Variants in PLXNC1 observed in about 807,000 individuals in gnomAD.
PLXNC1 encodes plexin-C1.
Under a neutral mutation model 178.2 loss-of-function variants are expected in PLXNC1, and 75 were observed. The observed-to-expected ratio is 0.42, with a 90% confidence interval of 0.35 to 0.51. The LOEUF (loss-of-function observed/expected upper bound fraction) is 0.51, where lower values mean the gene tolerates loss of function less well. Ranked by LOEUF, PLXNC1 falls within the 20% of genes least tolerant of loss-of-function variation. The pLI is 0.02. For synonymous variants in PLXNC1, 790 were observed against 779.9 expected (o/e 1.01, Z -0.22); for missense variants, 1,503 against 1,984.4 (o/e 0.76, Z 4.61).
chr12:94,189,671 C>CCCTGTT (rs1962649308), intron 4 of PLXNC1, among the ~76,000 whole-genome samples: 1 of 86,378 alleles, frequency 1.2e-5, no homozygotes, highest in Admixed American at 1.2e-4. Flanking sequence ...CAAAGTGAGA[C>CCCTGTT]CCTGTCTCAA....
At chr12:94,287,106 G>A (rs1966853368) in intron 23 of PLXNC1, among the ~76,000 whole-genome samples, 1 of 152,184 alleles carries the variant, frequency 6.6e-6, no homozygotes, top group South Asian at 2.1e-4. Flanking sequence ...AAAAACCCTG[G>A]GAGGCAGGTG....
chr12:94,212,697 G>A (rs1963519547), intron 5 of PLXNC1, among the ~76,000 whole-genome samples: 1 of 151,340 alleles, frequency 6.6e-6, no homozygotes, highest in African/African-American at 2.4e-5. Context: ...GTGTATAGGT[G>A]CCACATTTTC....
At position 94,305,254 on chromosome 12, in the gene PLXNC1, T is replaced by A. The variant is rs1180322532; in HGVS notation, c.4676T>A (p.Phe1559Tyr). 1 of 1,610,962 alleles carries A rather than the reference T, an allele frequency of 6.2e-7. No homozygotes were observed. The highest frequency in any genetic ancestry group is 1.1e-5 in the South Asian group (1 of 90,854). Residue 1559 changes from phenylalanine (F) to tyrosine (Y), a missense_variant, in exon 31 of 31, where the codon TTT becomes TAT. Phe to Tyr is a conservative substitution (Grantham distance 22, BLOSUM62 3). Transcript: ENST00000258526. ...QKQLLHVKVL[F>Y]DEKKKCKWM is the part of the protein sequence containing the mutation. ...CAACTCTTGCATGTAAAAGTCTTAT[T>A]TGATGAAAAGAAGAAATGCAAGTGG... is the stretch of plus-strand genomic sequence containing the variant.
intron 12 of PLXNC1, among the ~76,000 whole-genome samples, chr12:94,246,270 T>C (rs1964527242): frequency 6.6e-6 from 1 of 152,224 alleles, no homozygotes; most frequent in Admixed American, 6.5e-5. Flanking sequence ...AGGATGCTCA[T>C]GCCAGTGCAG....
chr12:94,297,498 A>G lies in PLXNC1; in HGVS notation c.4074+75A>G, dbSNP rs146701269. 1.7e-4 allele frequency: 174 copies of G among 1,031,722 alleles called. No individual in the cohort carries two copies. The East Asian group carries it at 4.1e-3, about 24-fold the overall frequency. The allele number at this position is 1,031,722 out of a possible 1,614,324, so 63.9% of individuals were successfully genotyped here. Reference sequence around the variant, plus strand: ...ATATGTTTGACTTAATTTCCACTGAAGTGTGAAAATGTTACAAATCCCTTG... The same window carrying G: ...ATATGTTTGACTTAATTTCCACTGAGGTGTGAAAATGTTACAAATCCCTTG... On this transcript the variant is annotated intron_variant, in intron 26 of 30. Transcript: ENST00000258526.
chr12:94,250,157 T>C (rs989775922), intron 14 of PLXNC1, among the ~76,000 whole-genome samples: 4 of 151,964 alleles, frequency 2.6e-5, no homozygotes, highest in Admixed American at 2.0e-4. Context: ...AGGAGGCCAG[T>C]GTGACTGGAG....
In PLXNC1 at chr12:94,198,128, A is replaced by G. The variant is rs1405171536; in HGVS notation, c.1440-11462A>G. Among the ~76,000 whole-genome samples, 6 of 152,278 alleles carry G rather than the reference A, an allele frequency of 3.9e-5. No individual in the cohort carries two copies. The East Asian group carries it at 1.2e-3, about 29-fold the overall frequency. ...TTAGCAAAGACATGGAATCAACCCA[A>G]ATGCCCATCCATGATAGACTGGATA... On this transcript the variant is annotated intron_variant, in intron 4 of 30. Transcript: ENST00000258526.
In PLXNC1 at chr12:94,149,762, T is replaced by G; in HGVS notation, c.791T>G (p.Met264Arg). The G allele has an allele frequency of 6.2e-7, 1 of 1,609,626 alleles. No individual in the cohort carries two copies. Among genetic ancestry groups the G allele is most frequent in the Non-Finnish European group, 8.5e-7 (1 of 1,179,258 alleles). ...TSGAATGWPSMARIAQSTEVL... is the reference protein window; with the variant it reads ...TSGAATGWPSRARIAQSTEVL... ...GGCGCTGCCACCGGCTGGCCCAGCA[T>G]GGCGCGCATCGCGCAGAGCACCGAG... Residue 264 changes from methionine to arginine, a missense_variant, in exon 1 of 31, where the codon ATG becomes AGG. Physicochemically the swap from Met to Arg is moderately conservative, Grantham distance 91. This residue lies in a region of PLXNC1 where 615 missense variants were observed against 698.6 expected (regional missense o/e 0.88). Transcript: ENST00000258526.
At chr12:94,212,611 T>C (rs1963515108) in intron 5 of PLXNC1, among the ~76,000 whole-genome samples, 1 of 152,120 alleles carries the variant, frequency 6.6e-6, no homozygotes, top group African/African-American at 2.4e-5. Context: ...TTGCTGAGAA[T>C]GATGGTTTCC....
At chr12:94,290,893 A>G (rs1967249150) in intron 23 of PLXNC1, among the ~76,000 whole-genome samples, 1 of 152,244 alleles carries the variant, frequency 6.6e-6, no homozygotes, top group African/African-American at 2.4e-5. Context: ...AAACAGTTCC[A>G]GAATGAAGGA....
chr12:94,230,251 T>G (rs2136035580), intron 9 of PLXNC1, among the ~76,000 whole-genome samples: 1 of 152,364 alleles, frequency 6.6e-6, no homozygotes, highest in East Asian at 1.9e-4. Context: ...CTCTGGAAAT[T>G]CTTCCAAGTT....
In PLXNC1 at chr12:94,189,407, G is replaced by C. The variant is rs970300091; in HGVS notation, c.1439+2934G>C. 3.3e-5 allele frequency among the ~76,000 whole-genome samples: 5 copies of C among 152,246 alleles called. No homozygotes were observed. The East Asian group carries it at 9.6e-4, about 29-fold the overall frequency. Reference sequence around the variant, plus strand: ...TTTAAAGATTGTTAGGGGCAGGCGCGGTGACTCACACCTATATTCCCAGCT... The same window carrying C: ...TTTAAAGATTGTTAGGGGCAGGCGCCGTGACTCACACCTATATTCCCAGCT... On this transcript the variant is annotated intron_variant, in intron 4 of 30. Transcript: ENST00000258526.
At chr12:94,155,737 A>C (rs1961143379) in intron 1 of PLXNC1, among the ~76,000 whole-genome samples, 2 of 152,168 alleles carry the variant, frequency 1.3e-5, no homozygotes, top group African/African-American at 4.8e-5. Flanking sequence ...TCACTCCCAG[A>C]TGTGGGGGGA....
At position 94,148,907 on chromosome 12, in the gene PLXNC1, G is replaced by A; in HGVS notation, c.-65G>A. Reference sequence around the variant, plus strand: ...CGCCGCCGCCGCCGCCCGCGTCTCCGTTGCCGCGCGCCTGAGCCGCCGTCG... The same window carrying A: ...CGCCGCCGCCGCCGCCCGCGTCTCCATTGCCGCGCGCCTGAGCCGCCGTCG... On this transcript the variant is annotated 5_prime_UTR_variant, in exon 1 of 31. Transcript: ENST00000258526. This position sits in a 1 kb window ranked among gnomAD's most constrained non-coding sequence, Gnocchi z 4.8. 1 of 509,594 alleles carries A rather than the reference G, an allele frequency of 2.0e-6. No individual in the cohort carries two copies. The highest frequency in any genetic ancestry group is 2.6e-6 in the Non-Finnish European group (1 of 377,966). The allele number at this position is 509,594 out of a possible 1,614,324, so 31.6% of individuals were successfully genotyped here.
In PLXNC1 at chr12:94,259,149, CG is replaced by C. The variant is rs1157645231; in HGVS notation, c.3088-187del. Among the ~76,000 whole-genome samples, 3 of 152,240 alleles carry C rather than the reference CG, an allele frequency of 2.0e-5. No homozygotes were observed. In the East Asian group the frequency reaches 5.8e-4, roughly 29 times the overall value. On this transcript the variant is annotated intron_variant, in intron 17 of 30. Transcript: ENST00000258526. ...CTTAGAGGCTTTCGGAATTCAGTGG[CG>C]TTTCTTGAAAGCTGAATAATTATTT...
chr12:94,270,549 T>C (rs531236886), intron 21 of PLXNC1, among the ~76,000 whole-genome samples: 1 of 152,238 alleles, frequency 6.6e-6, no homozygotes, highest in East Asian at 1.9e-4. Flanking sequence ...TATTTACAAG[T>C]CTGAAACTCA....
chr12:94,163,141 G>A (rs1340485792), intron 1 of PLXNC1, among the ~76,000 whole-genome samples: 6 of 152,012 alleles, frequency 3.9e-5, no homozygotes, highest in South Asian at 2.1e-4. Flanking sequence ...TAAGGTGGGC[G>A]GATCATGAGG....
At chr12:94,240,865 AC>A (rs1333856609) in intron 11 of PLXNC1, among the ~76,000 whole-genome samples, 1 of 152,156 alleles carries the variant, frequency 6.6e-6, no homozygotes, top group Non-Finnish European at 1.5e-5. Context: ...CTATGAGCAC[AC>A]CTTTTTCCCT....
At chr12:94,229,321 T>G (rs1233510568) in intron 9 of PLXNC1, among the ~76,000 whole-genome samples, 3 of 152,212 alleles carry the variant, frequency 2.0e-5, no homozygotes, top group African/African-American at 7.2e-5. Flanking sequence ...ATCAGATATA[T>G]CATTTGCAAA....
Sources: gnomAD v4.1 joint callset for allele counts (sites outside exome capture counted in the v4.1 genomes callset) on GRCh38, gnomAD v4.1.1 for gene constraint, gnomAD v4.1.1 regional missense constraint, Gnocchi (gnomAD v3.1) non-coding constraint, MANE v1.5 for transcripts, NCBI Gene and HGNC (gene_info 2026-07-23, HGNC 2026-07-21) for gene names.